The following GABPB1 variants were observed in gnomAD, a reference collection of about 807,000 sequenced individuals.
GABPB1 encodes the protein GA-binding protein subunit beta-1.
A neutral mutation model predicts 45.9 loss-of-function variants in GABPB1; 15 were observed. The observed-to-expected ratio is 0.33, with a 90% CI of 0.22 to 0.50. GABPB1 has a LOEUF of 0.50. Ranked by LOEUF, GABPB1 falls within the 20% of genes least tolerant of loss-of-function variation. The pLI, the probability that GABPB1 is intolerant of heterozygous loss-of-function variation, is 0.98. For synonymous variants in GABPB1, 143 were observed against 154.4 expected (o/e 0.93, Z 0.55); for missense variants, 252 against 457.5 (o/e 0.55, Z 4.10).
intron 2 of GABPB1, among the ~76,000 whole-genome samples, chr15:50,306,934 G>C (rs2046970267): frequency 6.6e-6 from 1 of 151,966 alleles, no homozygotes; most frequent in Non-Finnish European, 1.5e-5. Flanking sequence ...CATTGAATGA[G>C]TAAACCACAA....
chr15:50,347,457 T>C (rs1026001302), intron 1 of GABPB1: 1 of 152,270 alleles, frequency 6.6e-6, no homozygotes, highest in Admixed American at 6.5e-5. Flanking sequence ...TTATGTGTCA[T>C]CCTTGTGCAG....
chr15:50,329,061 C>T (rs560024246), intron 1 of GABPB1, among the ~76,000 whole-genome samples: 1 of 152,282 alleles, frequency 6.6e-6, no homozygotes, highest in East Asian at 1.9e-4. Context: ...TTCGATTTGG[C>T]TTTTCCATCT....
chr15:50,316,133 T>C (rs1043391124), intron 1 of GABPB1, among the ~76,000 whole-genome samples: 3 of 152,238 alleles, frequency 2.0e-5, no homozygotes, highest in Admixed American at 6.5e-5. Flanking sequence ...AACAAAAATA[T>C]ATTGCTTTTC....
rs190731473 is a variant in GABPB1, at chr15:50,289,713, T to C, written c.698-45A>G. On this transcript the variant is annotated intron_variant, in intron 6 of 8. Coordinates refer to ENST00000380877, the MANE Select transcript of GABPB1 (RefSeq NM_016654.5). ...AACTCAGCAAACATATGTAACGGTATGAATAGAAACCTATTTTTGCTTTGT... is the reference window on the plus strand; with the variant it reads ...AACTCAGCAAACATATGTAACGGTACGAATAGAAACCTATTTTTGCTTTGT... 4.9e-5 allele frequency: 71 copies of C among 1,460,658 alleles called. No individual in the cohort carries two copies. The African/African-American group carries it at 9.7e-4, about 20-fold the overall frequency. The allele number at this position is 1,460,658 out of a possible 1,614,324, so 90.5% of individuals were successfully genotyped here.
chr15:50,284,996 A>C (rs1157302252), intron 8 of GABPB1, among the ~76,000 whole-genome samples: 1 of 152,148 alleles, frequency 6.6e-6, no homozygotes, highest in Non-Finnish European at 1.5e-5. Context: ...ACTCAATAAT[A>C]TATTTGTGGT....
At chr15:50,328,238 TAA>T (rs930410845) in intron 1 of GABPB1, among the ~76,000 whole-genome samples, 1 of 142,996 alleles carries the variant, frequency 7.0e-6, no homozygotes. Context: ...TATTCCTTTC[TAA>T]AAAAAAAAAA....
At chr15:50,285,928 C>G in intron 8 of GABPB1, 140 bp downstream of exon 8, 1 of 1,423,322 alleles carries the variant, frequency 7.0e-7, no homozygotes, top group South Asian at 1.7e-5. Context: ...ATGTATAAGG[C>G]AAAAATAAAC....
Position 50,303,138 on chromosome 15 carries a change from CAA to C in GABPB1, c.277-17_277-16del, listed in dbSNP as rs1289283381. ...TCAGCACCATGCTACAAAAATATTT[CAA>C]AGAGTTTACTAAAATATGAAATATC... On this transcript the variant is annotated splice_polypyrimidine_tract_variant and intron_variant, in intron 3 of 8. Coordinates refer to ENST00000380877, the MANE Select transcript of GABPB1 (RefSeq NM_016654.5). 6 of 1,568,770 alleles carry C rather than the reference CAA, an allele frequency of 3.8e-6. No individual in the cohort carries two copies. Among genetic ancestry groups the C allele is most frequent in the African/African-American group, 2.7e-5 (2 of 73,118 alleles).
chr15:50,333,323 C>T (rs970859442), intron 1 of GABPB1, among the ~76,000 whole-genome samples: 4 of 152,080 alleles, frequency 2.6e-5, no homozygotes, highest in South Asian at 2.1e-4. Flanking sequence ...TTAGACAGGT[C>T]GAGGTTGTGT....
At chr15:50,301,757 C>T (rs1250667026) in intron 4 of GABPB1, among the ~76,000 whole-genome samples, 1 of 151,946 alleles carries the variant, frequency 6.6e-6, no homozygotes, top group Non-Finnish European at 1.5e-5. Flanking sequence ...GTGAGACCCC[C>T]ATCTCAAAAA....
chr15:50,282,528 T>C (rs964178221), intron 8 of GABPB1: 9 of 139,826 alleles, frequency 6.4e-5, no homozygotes, highest in Admixed American at 9.4e-5. Flanking sequence ...CACTTCTGCC[T>C]GGGTGACAAA....
At chr15:50,330,088 G>A (rs2047900118) in intron 1 of GABPB1, among the ~76,000 whole-genome samples, 1 of 151,794 alleles carries the variant, frequency 6.6e-6, no homozygotes, top group Non-Finnish European at 1.5e-5. Flanking sequence ...AATTTTTGGA[G>A]AGACGAGGTT....
intron 1 of GABPB1, among the ~76,000 whole-genome samples, chr15:50,324,536 G>A (rs1048122019): frequency 9.6e-5 from 14 of 146,408 alleles, no homozygotes; most frequent in African/African-American, 2.3e-4. Flanking sequence ...CAATGTCTCC[G>A]TGGCTTTTTT....
chr15:50,283,330 A>ATTTTAT (rs1472360875), intron 8 of GABPB1, among the ~76,000 whole-genome samples: 1 of 151,570 alleles, frequency 6.6e-6, no homozygotes, highest in African/African-American at 2.4e-5. Flanking sequence ...GCAATTTGGT[A>ATTTTAT]TTTTATTCAT....
intron 1 of GABPB1, among the ~76,000 whole-genome samples, chr15:50,316,038 G>A (rs2047315543): frequency 6.6e-6 from 1 of 152,098 alleles, no homozygotes; most frequent in Admixed American, 6.6e-5. Flanking sequence ...ACTCCAGCCT[G>A]GGCAACAGAG....
chr15:50,304,136 G>C lies in GABPB1; in HGVS notation c.109-3C>G. 1.3e-6 allele frequency: 2 copies of C among 1,551,160 alleles called. No individual in the cohort carries two copies. Among genetic ancestry groups the C allele is most frequent in the Admixed American group, 2.1e-5 (1 of 46,842 alleles). ...AGATGAAGTGGAGAAGTTCCCAGCT[G>C]TACCACAGAAAAAAAAAAAAATCCA... On this transcript the variant is annotated splice_region_variant and splice_polypyrimidine_tract_variant and intron_variant, in intron 2 of 8. Coordinates refer to ENST00000380877, the MANE Select transcript of GABPB1 (RefSeq NM_016654.5).
chr15:50,333,537 C>T (rs919918560), intron 1 of GABPB1, among the ~76,000 whole-genome samples: 7 of 152,094 alleles, frequency 4.6e-5, no homozygotes, highest in Admixed American at 3.3e-4. Flanking sequence ...TCCACAGAAA[C>T]TTCCATTGAA....
intron 1 of GABPB1, among the ~76,000 whole-genome samples, chr15:50,313,288 A>G (rs2047194183): frequency 6.6e-6 from 1 of 152,190 alleles, no homozygotes; most frequent in African/African-American, 2.4e-5. Context: ...TGTCACTGTT[A>G]ATCAGGTTAA....
At chr15:50,293,798 T>TA (rs1471367312) in intron 6 of GABPB1, among the ~76,000 whole-genome samples, 3 of 152,196 alleles carry the variant, frequency 2.0e-5, no homozygotes, top group Non-Finnish European at 4.4e-5. Context: ...TAAAAAGCTT[T>TA]CTTTTTAAGT....
Sources: gnomAD v4.1 joint callset for allele counts (sites outside exome capture counted in the v4.1 genomes callset) on GRCh38, gnomAD v4.1.1 for gene constraint, MANE v1.5 for transcripts, NCBI Gene and HGNC (gene_info 2026-07-23, HGNC 2026-07-21) for gene names.